TRIM33: variants seen among roughly 807,000 people sequenced by gnomAD.
TRIM33 encodes the protein tripartite motif containing 33, also known as E3 ubiquitin-protein ligase TRIM33.
TRIM33 carries 20 observed loss-of-function variants against 125.4 expected under a neutral mutation model. The observed-to-expected ratio is 0.16, with a 90% CI of 0.11 to 0.23. The LOEUF (loss-of-function observed/expected upper bound fraction) is 0.23. TRIM33 is among the 10% of genes least tolerant of loss of function. The pLI is 1.00. For missense variants in TRIM33, 920 were observed against 1,411.4 expected, an observed-to-expected ratio of 0.65 and a Z score of 5.58; for synonymous variants, 564 against 513.9, an observed-to-expected ratio of 1.10 and a Z score of -1.32.
At chr1:114,474,059 C>A (rs770263808) in intron 1 of TRIM33, among the ~76,000 whole-genome samples, 1 of 151,736 alleles carries the variant, frequency 6.6e-6, no homozygotes, top group African/African-American at 2.4e-5. Context: ...CCATCACACT[C>A]GGTTAGTTTG....
chr1:114,431,559 G>C (rs1199654241), intron 5 of TRIM33, among the ~76,000 whole-genome samples: 1 of 152,068 alleles, frequency 6.6e-6, no homozygotes, highest in Non-Finnish European at 1.5e-5. Flanking sequence ...CTGATACTTT[G>C]GTATTTACAA....
chr1:114,464,717 G>A (rs1012409118), intron 1 of TRIM33, among the ~76,000 whole-genome samples: 6 of 152,158 alleles, frequency 3.9e-5, no homozygotes, highest in Non-Finnish European at 7.3e-5. Flanking sequence ...TTACAGATGC[G>A]ATTAAGGCTC....
At chr1:114,416,115 A>G (rs1006477059) in intron 11 of TRIM33, among the ~76,000 whole-genome samples, 1 of 152,152 alleles carries the variant, frequency 6.6e-6, no homozygotes, top group African/African-American at 2.4e-5. Context: ...TGTTAAAGAA[A>G]ATATACAAGT....
intron 4 of TRIM33, among the ~76,000 whole-genome samples, chr1:114,436,977 C>A (rs528824411): frequency 1.1e-3 from 174 of 152,292 alleles, no homozygotes; most frequent in Middle Eastern, 3.4e-3. Context: ...GAAAAACAAT[C>A]TTTTTGAAGA....
rs936785183 is a variant in TRIM33 at position 114,405,789 on chromosome 1, G to A, written c.2419-30C>T. ...AACAAAACGATGACAAATTCTTGAA[G>A]AATCATTTAATCTTTATTGTATGCC... On this transcript the variant is annotated intron_variant, in intron 14 of 19. Transcript: ENST00000358465. 3 of 1,553,358 alleles carry A rather than the reference G, an allele frequency of 1.9e-6. No individual in the cohort carries two copies. The African/African-American group carries it at 4.1e-5, about 21-fold the overall frequency.
At chr1:114,431,639 C>A (rs1205533663) in intron 5 of TRIM33, among the ~76,000 whole-genome samples, 1 of 152,190 alleles carries the variant, frequency 6.6e-6, no homozygotes, top group Non-Finnish European at 1.5e-5. Flanking sequence ...GACATAGCTT[C>A]AATTTTTATA....
intron 1 of TRIM33, among the ~76,000 whole-genome samples, chr1:114,484,756 T>C (rs1216993900): frequency 1.3e-5 from 2 of 152,138 alleles, no homozygotes; most frequent in African/African-American, 2.4e-5. Flanking sequence ...TCCCAGTTAC[T>C]CAGGAGGCTG....
chr1:114,398,937 A>AC (rs1651714026), intron 18 of TRIM33, among the ~76,000 whole-genome samples: 1 of 150,890 alleles, frequency 6.6e-6, no homozygotes, highest in African/African-American at 2.4e-5. Context: ...AAAACAAAAA[A>AC]CAAAAAACTC....
Position 114,393,285 on chromosome 1 carries a change from T to C in TRIM33, c.*4363A>G, listed in dbSNP as rs1390536966. ...TTATAGGCTTATGTATATGTTTCAC[T>C]GTGTTTTAAAATGTAGTAGATGCCT... On this transcript the variant is annotated 3_prime_UTR_variant, in exon 20 of 20. Coordinates refer to ENST00000358465, the MANE Select transcript of TRIM33 (RefSeq NM_015906.4). The C allele has an allele frequency of 5.0e-6, 1 of 201,400 alleles. No individual in the cohort carries two copies. The highest frequency in any genetic ancestry group is 1.0e-5 in the Non-Finnish European group (1 of 97,556). The allele number at this position is 201,400 out of a possible 1,614,324, so 12.5% of individuals were successfully genotyped here.
chr1:114,397,600 T>TTC lies in TRIM33; in HGVS notation c.*47_*48insGA. 8.9e-7 allele frequency: 1 copy of TTC among 1,119,584 alleles called. No individual in the cohort carries two copies. Among genetic ancestry groups the TTC allele is most frequent in the African/African-American group, 1.6e-5 (1 of 61,056 alleles). 69.4% of individuals were successfully genotyped at this position (1,119,584 alleles called of 1,614,324 possible). A position where few individuals can be genotyped will look rare whatever the true frequency, so the allele number is the denominator to read the frequency against. ...TCTGGGTTTTTTGTGTTTTTTTTTTTTTTTTCGTTTTTTTTTTTTTAAACA... is the reference window on the plus strand; with the variant it reads ...TCTGGGTTTTTTGTGTTTTTTTTTTTTCTTTTTCGTTTTTTTTTTTTTAAACA... On this transcript the variant is annotated 3_prime_UTR_variant, in exon 20 of 20. Transcript: ENST00000358465.
At chr1:114,467,139 C>T (rs1572090366) in intron 1 of TRIM33, among the ~76,000 whole-genome samples, 1 of 152,258 alleles carries the variant, frequency 6.6e-6, no homozygotes, top group South Asian at 2.1e-4. Flanking sequence ...CTAATTAAAA[C>T]GCTGGTCTAT....
At chr1:114,413,451 GA>G in intron 11 of TRIM33, among the ~76,000 whole-genome samples, 1 of 150,992 alleles carries the variant, frequency 6.6e-6, no homozygotes, top group South Asian at 2.1e-4. Flanking sequence ...CCAGCTACTC[GA>G]GAGGTTGAGA....
intron 8 of TRIM33, among the ~76,000 whole-genome samples, chr1:114,425,986 A>G (rs1647547388): frequency 6.6e-6 from 1 of 152,208 alleles, no homozygotes; most frequent in African/African-American, 2.4e-5. Flanking sequence ...CAGAAAATTA[A>G]GACAGTAAAA....
chr1:114,467,653 G>A (rs1482054574), intron 1 of TRIM33, among the ~76,000 whole-genome samples: 1 of 152,152 alleles, frequency 6.6e-6, no homozygotes, highest in Non-Finnish European at 1.5e-5. Context: ...ATACATACCT[G>A]TCTGTGTAAC....
At chr1:114,469,541 G>A (rs1419439650) in intron 1 of TRIM33, among the ~76,000 whole-genome samples, 5 of 152,124 alleles carry the variant, frequency 3.3e-5, no homozygotes, top group Non-Finnish European at 7.4e-5. Context: ...ACTGGCATCT[G>A]TAAGATAATT....
At position 114,481,639 on chromosome 1, in the gene TRIM33, ATGTGTGTGTG is replaced by A. The variant is rs535478935; in HGVS notation, c.527-17261_527-17252del. On this transcript the variant is annotated intron_variant, in intron 1 of 19. Coordinates refer to ENST00000358465, the MANE Select transcript of TRIM33 (RefSeq NM_015906.4). ...AAAAAAGAAAAAAAACTATATATAT[ATGTGTGTGTG>A]TGTGTGTGTGTGTATATATATGTGT... 1.3e-4 allele frequency among the ~76,000 whole-genome samples: 19 copies of A among 142,414 alleles called. 1 individual carries two copies. In the South Asian group the frequency reaches 4.3e-3, roughly 32 times the overall value. The allele number at this position is 142,414 out of a possible 152,430, so 93.4% of individuals were successfully genotyped here.
rs544788441 is a variant in TRIM33 at position 114,511,031 on chromosome 1, C to T, written c.46G>A (p.Gly16Ser). The T allele has an allele frequency of 2.3e-6, 3 of 1,320,104 alleles. No homozygotes were observed. Among genetic ancestry groups the T allele is most frequent in the Admixed American group, 3.4e-5 (1 of 29,394 alleles). 81.8% of individuals were successfully genotyped at this position (1,320,104 alleles called of 1,614,324 possible). A position where few individuals can be genotyped will look rare whatever the true frequency, so the allele number is the denominator to read the frequency against. The change falls in exon 1 of 20, where the codon GGC (glycine) becomes AGC (serine). Residue 16 changes from glycine to serine, a missense_variant. This residue lies in a region of TRIM33 where 233 missense variants were observed against 189.6 expected (regional missense o/e 1.23). Transcript: ENST00000358465. ...GGGEAESGGGGSGSAPVTAGA... is the reference protein window; with the variant it reads ...GGGEAESGGGSSGSAPVTAGA... ...GCAGTTACCGGCGCGCTGCCGCTGC[C>T]CCCGCCGCCGCTCTCAGCCTCGCCG... is the stretch of plus-strand genomic sequence containing the variant.
intron 15 of TRIM33, chr1:114,405,173 A>G: frequency 2.4e-6 from 1 of 418,720 alleles, no homozygotes; most frequent in Non-Finnish European, 4.2e-6. Context: ...TTTTCCTTAT[A>G]CTGAATATAA....
chr1:114,490,352 A>C (rs1034392886), intron 1 of TRIM33, among the ~76,000 whole-genome samples: 1 of 152,206 alleles, frequency 6.6e-6, no homozygotes, highest in Non-Finnish European at 1.5e-5. Context: ...ATACTATGTC[A>C]CACCCACCAG....
Sources: gnomAD v4.1 joint callset for allele counts (sites outside exome capture counted in the v4.1 genomes callset) on GRCh38, gnomAD v4.1.1 for gene constraint, gnomAD v4.1.1 regional missense constraint, MANE v1.5 for transcripts, NCBI Gene and HGNC (gene_info 2026-07-23, HGNC 2026-07-21) for gene names.